The following FANCM variants were observed in gnomAD, a reference collection of about 807,000 sequenced individuals.
FANCM encodes FA complementation group M.
FANCM carries 140 observed loss-of-function variants against 199.5 expected under a neutral mutation model. The observed-to-expected ratio is 0.70, with a 90% CI of 0.61 to 0.81. The LOEUF is 0.81. Among genes scored for constraint, FANCM ranks in the 30% least tolerant of loss-of-function variants. The probability of loss-of-function intolerance (pLI) is 0.00; values close to 1 mark genes in which losing one functional copy is unlikely to be tolerated. For missense variants in FANCM, 2,410 were observed against 2,421.4 expected (o/e 1.00, Z 0.10); for synonymous variants, 840 against 836.8 (o/e 1.00, Z -0.07).
At chr14:45,166,841 G>A (rs754682675) in intron 10 of FANCM, 109 bp from the exon 11 acceptor site, 3 of 707,632 alleles carry the variant, frequency 4.2e-6, no homozygotes, top group African/African-American at 1.8e-5. Context: ...TAAGTGGATC[G>A]GGGTTTAATT....
intron 3 of FANCM, among the ~76,000 whole-genome samples, chr14:45,144,817 T>C (rs539227218): frequency 6.6e-6 from 1 of 152,172 alleles, no homozygotes; most frequent in East Asian, 1.9e-4. Flanking sequence ...CAAGAGCCCA[T>C]TTGTTGCCCT....
chr14:45,195,253 G>A (rs1428706738), intron 20 of FANCM, among the ~76,000 whole-genome samples: 1 of 152,098 alleles, frequency 6.6e-6, no homozygotes, highest in Non-Finnish European at 1.5e-5. Context: ...TCTTTTTGGA[G>A]AGGACATTTT....
At chr14:45,164,630 T>A in intron 10 of FANCM, 65 bp downstream of exon 10, 2 of 1,230,946 alleles carry the variant, frequency 1.6e-6, no homozygotes, top group Non-Finnish European at 2.3e-6. Flanking sequence ...CAAAGGTGAA[T>A]ATCAACATGT....
intron 1 of FANCM, 123 bp downstream of exon 1, chr14:45,136,662 A>G: frequency 2.1e-6 from 2 of 942,104 alleles, no homozygotes; most frequent in Non-Finnish European, 3.3e-6. Flanking sequence ...TACTTGCAGC[A>G]AGCCCAAAAC....
rs148250143 is a variant in FANCM, at chr14:45,167,155, A to G, written c.1994A>G (p.Tyr665Cys). 29 of 1,602,384 alleles carry G rather than the reference A, an allele frequency of 1.8e-5. No individual in the cohort carries two copies. Among genetic ancestry groups the G allele is most frequent in the East Asian group, 2.2e-5 (1 of 44,828 alleles). The change falls in exon 11 of 23, where the codon TAT becomes TGT. Residue 665 changes from tyrosine (Y) to cysteine (C), a missense_variant. By Grantham distance (194) the Tyr-to-Cys change is radical. Coordinates refer to ENST00000267430, the MANE Select transcript of FANCM (RefSeq NM_020937.4). ...CAGCGAAAGTCATCTATCTTTTCCT[A>G]TAGGGATGGTAAATAAATTTTGCAT... ...NLQRKSSIFS[Y>C]RDGMRQSSLK...
At chr14:45,186,403 A>G (rs1889404408) in intron 18 of FANCM, among the ~76,000 whole-genome samples, 1 of 152,212 alleles carries the variant, frequency 6.6e-6, no homozygotes, top group Admixed American at 6.5e-5. Flanking sequence ...CATACAATAT[A>G]TTTAGAGGAG....
At chr14:45,161,511 G>A (rs1887604863) in intron 9 of FANCM, among the ~76,000 whole-genome samples, 2 of 152,176 alleles carry the variant, frequency 1.3e-5, no homozygotes, top group East Asian at 1.9e-4. Flanking sequence ...GGACACTGTG[G>A]CTCATGACTG....
chr14:45,136,228 G>A lies in FANCM; in HGVS notation c.197G>A (p.Arg66Gln), dbSNP rs1885485632. The A allele has an allele frequency of 1.2e-6, 2 of 1,614,174 alleles. No homozygotes were observed. Among genetic ancestry groups the A allele is most frequent in the Non-Finnish European group, 1.7e-6 (2 of 1,180,024 alleles). Residue 66 changes from arginine (R) to glutamine (Q), a missense_variant, in exon 1 of 23, where the codon CGG becomes CAG. By Grantham distance (43) the Arg-to-Gln change is conservative (BLOSUM62 1). Coordinates refer to ENST00000267430, the MANE Select transcript of FANCM (RefSeq NM_020937.4). The part of the protein sequence containing the change: ...VLLVAAYEAE[R>Q]QLCLENGGFC... The stretch of plus-strand genomic sequence containing the variant: ...CTTGTCGCGGCGTACGAGGCTGAGC[G>A]GCAGTTGTGTCTAGAGAATGGCGGG...
intron 11 of FANCM, 181 bp downstream of exon 11, chr14:45,167,344 G>T: frequency 1.7e-6 from 1 of 584,180 alleles, no homozygotes; most frequent in Non-Finnish European, 3.0e-6. Context: ...GACACTGGTA[G>T]TATAGAGTGA....
chr14:45,158,250 A>G (rs894458095), intron 8 of FANCM, among the ~76,000 whole-genome samples: 8 of 152,164 alleles, frequency 5.3e-5, no homozygotes, highest in Non-Finnish European at 7.4e-5. Flanking sequence ...TAATTAGCCA[A>G]TTACTATATG....
At chr14:45,149,272 G>T (rs959663906) in intron 4 of FANCM, among the ~76,000 whole-genome samples, 5 of 150,222 alleles carry the variant, frequency 3.3e-5, no homozygotes, top group African/African-American at 1.2e-4. Flanking sequence ...CTTATAACTG[G>T]AATATAGAAC....
rs114164551 is a variant in FANCM at position 45,159,346 on chromosome 14, T to G, written c.1581+66T>G. 1,952 of 1,275,004 alleles carry G rather than the reference T, an allele frequency of 1.5e-3. 19 individuals are homozygous for G. The African/African-American group carries it at 0.024, about 16-fold the overall frequency. The allele number at this position is 1,275,004 out of a possible 1,614,324, so 79.0% of individuals were successfully genotyped here. ...ATTAGCTTTGCACTTGTTCTTTTTT[T>G]GTTAGTTTTAACTCACTGGTCAATT... On this transcript the variant is annotated intron_variant, in intron 9 of 22. Transcript: ENST00000267430.
In FANCM at chr14:45,137,331, C is replaced by T. The variant is rs1166376993; in HGVS notation, c.681+90C>T. ...AGTTACTAGTGATGGAAGTTATTGA[C>T]AATATTATTATAAAAAGCCTTTACG... is the stretch of plus-strand genomic sequence containing the variant. On this transcript the variant is annotated intron_variant, in intron 2 of 22. Coordinates refer to ENST00000267430, the MANE Select transcript of FANCM (RefSeq NM_020937.4). 8 of 1,000,426 alleles carry T rather than the reference C, an allele frequency of 8.0e-6. No homozygotes were observed. In the East Asian group the frequency reaches 1.7e-4, roughly 21 times the overall value. 62.0% of individuals were successfully genotyped at this position (1,000,426 alleles called of 1,614,324 possible).
chr14:45,192,780 G>A (rs988503284), intron 20 of FANCM, among the ~76,000 whole-genome samples: 4 of 151,930 alleles, frequency 2.6e-5, no homozygotes, highest in East Asian at 3.9e-4. Flanking sequence ...GGTGAGCTAT[G>A]ATCATGCCAC....
intron 1 of FANCM, 90 bp from the exon 2 acceptor site, chr14:45,136,979 G>A (rs1885561605): frequency 2.1e-6 from 2 of 962,292 alleles, no homozygotes; most frequent in South Asian, 1.3e-5. Context: ...TGTTACCAAA[G>A]CATGTTTGCA....
intron 1 of FANCM, among the ~76,000 whole-genome samples, 198 bp from the exon 2 acceptor site, chr14:45,136,871 G>A (rs1035683111): frequency 2.0e-5 from 3 of 152,124 alleles, no homozygotes; most frequent in Admixed American, 6.5e-5. Flanking sequence ...AAGACAATTT[G>A]GTTGTAGTCC....
rs1379571300 is a variant in FANCM at position 45,200,595 on chromosome 14, C to G, written c.*587C>G. 6.6e-6 allele frequency: 1 copy of G among 152,122 alleles called. No homozygotes were observed. The highest frequency in any genetic ancestry group is 2.4e-5 in the African/African-American group (1 of 41,398). The allele number at this position is 152,122 out of a possible 1,614,324, so 9.4% of individuals were successfully genotyped here. ...AACTCTGATATGGTTTGGCTGTGTC[C>G]CCAACCAAAATCTCATCTTGACTTG... On this transcript the variant is annotated 3_prime_UTR_variant, in exon 23 of 23. Transcript: ENST00000267430.
intron 10 of FANCM, among the ~76,000 whole-genome samples, chr14:45,166,457 G>T (rs1887984079): frequency 6.6e-6 from 1 of 152,046 alleles, no homozygotes. Flanking sequence ...TCCATTAAAG[G>T]TTAATCTAAC....
At chr14:45,141,926 T>G (rs1885997922) in intron 3 of FANCM, among the ~76,000 whole-genome samples, 1 of 151,980 alleles carries the variant, frequency 6.6e-6, no homozygotes, top group African/African-American at 2.4e-5. Context: ...CAGACTGCAG[T>G]GTGCATAAGA....
Sources: allele counts gnomAD v4.1 joint callset (sites outside exome capture counted in the v4.1 genomes callset), GRCh38; gene constraint gnomAD v4.1.1; transcripts MANE v1.5; gene names NCBI Gene and HGNC (gene_info 2026-07-23, HGNC 2026-07-21).